UGT3A1: variants seen among roughly 807,000 people sequenced by gnomAD.
UGT3A1 encodes the protein UDP-glycosyltransferase 3A1.
UGT3A1 carries 40 observed loss-of-function variants against 37.6 expected under a neutral mutation model. The observed-to-expected ratio is 1.06, with a 90% CI of 0.83 to 1.38. The LOEUF is 1.38. UGT3A1 is among the 40% of genes most tolerant of loss of function. UGT3A1 has a pLI of 0.00. For synonymous variants in UGT3A1, 256 were observed against 232.3 expected, an observed-to-expected ratio of 1.10 and a Z score of -0.93; for missense variants, 642 against 634.2, an observed-to-expected ratio of 1.01 and a Z score of -0.13.
chr5:35,955,949 C>G, intron 5 of UGT3A1, 85 bp from the exon 6 acceptor site: 1 of 1,327,884 alleles, frequency 7.5e-7, no homozygotes, highest in Non-Finnish European at 1.1e-6. Context: ...AGATGAAACA[C>G]CAATGAAATC....
chr5:35,983,166 TAA>T (rs1244873179), intron 2 of UGT3A1, among the ~76,000 whole-genome samples: 2 of 137,720 alleles, frequency 1.5e-5, no homozygotes, highest in African/African-American at 5.7e-5. Context: ...GACTAAAAAA[TAA>T]AAAGAGAAGA....
At chr5:35,960,563 T>C (rs1241507865) in intron 4 of UGT3A1, among the ~76,000 whole-genome samples, 3 of 152,206 alleles carry the variant, frequency 2.0e-5, no homozygotes, top group African/African-American at 7.2e-5. Flanking sequence ...GCTTTGGGGC[T>C]CTGGCCCCAC....
rs887240449 is a variant in UGT3A1, at chr5:35,954,110, G to A, written c.*92C>T. 9.4e-6 allele frequency: 13 copies of A among 1,386,484 alleles called. No individual in the cohort carries two copies. The highest frequency in any genetic ancestry group is 1.2e-5 in the Non-Finnish European group (12 of 1,011,144). 85.9% of individuals were successfully genotyped at this position (1,386,484 alleles called of 1,614,324 possible). A position where few individuals can be genotyped will look rare whatever the true frequency, so the allele number is the denominator to read the frequency against. The stretch of plus-strand genomic sequence containing the variant: ...TGCAGGATCAGTGGCAGGTGGAGCT[G>A]AAGAGAGAACAGAGGGGTGGCGTGT... On this transcript the variant is annotated 3_prime_UTR_variant, in exon 7 of 7. Transcript: ENST00000274278.
At chr5:35,962,467 G>A in intron 4 of UGT3A1, 1 of 160,416 alleles carries the variant, frequency 6.2e-6, no homozygotes, top group Admixed American at 6.1e-5. Context: ...GGTGGACCCA[G>A]AGGAGCAGAG....
intron 2 of UGT3A1, among the ~76,000 whole-genome samples, chr5:35,983,172 G>C (rs1005918647): frequency 7.2e-6 from 1 of 139,016 alleles, no homozygotes. Context: ...AAAATAAAAA[G>C]AGAAGATCCA....
intron 4 of UGT3A1, chr5:35,962,793 C>T: frequency 1.5e-6 from 1 of 672,490 alleles, no homozygotes; most frequent in Admixed American, 2.3e-5. Flanking sequence ...GGTGTTTTTC[C>T]TCCAGATTCT....
upstream of UGT3A1, among the ~76,000 whole-genome samples, chr5:35,996,259 G>A (rs983240827): frequency 9.2e-5 from 14 of 152,088 alleles, no homozygotes; most frequent in East Asian, 1.9e-4. Context: ...GGGATGCTCC[G>A]AGAAAGTGCA....
chr5:35,969,725 C>T lies in UGT3A1; in HGVS notation c.197-1592G>A, dbSNP rs547989969. On this transcript the variant is annotated intron_variant, in intron 2 of 6. Transcript: ENST00000274278. ...TAACATCAGATCAAATACACCCCTG[C>T]GAACCGTAATAACCTTAATCAACAA... Among the ~76,000 whole-genome samples, 17 of 152,180 alleles carry T rather than the reference C, an allele frequency of 1.1e-4. No individual in the cohort carries two copies. In the East Asian group the frequency reaches 1.9e-3, roughly 17 times the overall value.
In UGT3A1 at chr5:35,953,504, G is replaced by GT. The variant is rs1739240180; in HGVS notation, c.*697dup. On this transcript the variant is annotated 3_prime_UTR_variant, in exon 7 of 7. Coordinates refer to ENST00000274278, the MANE Select transcript of UGT3A1 (RefSeq NM_152404.4). ...GTCTTTAAAACTACCTTAGCCACTG[G>GT]TACCTGAAGCCACAAAGCCTTACAC... 6.6e-6 allele frequency: 1 copy of GT among 152,350 alleles called. No individual in the cohort carries two copies. Among genetic ancestry groups the GT allele is most frequent in the African/African-American group, 2.4e-5 (1 of 41,424 alleles). 9.4% of individuals were successfully genotyped at this position (152,350 alleles called of 1,614,324 possible).
intron 1 of UGT3A1, among the ~76,000 whole-genome samples, chr5:35,999,586 G>T (rs1001225400): frequency 6.6e-6 from 1 of 152,182 alleles, no homozygotes; most frequent in Non-Finnish European, 1.5e-5. Flanking sequence ...GGCATATCAG[G>T]TGCCCTTATG....
rs1739782841 is a variant in UGT3A1 at position 35,965,774 on chromosome 5, A to G, written c.455T>C (p.Phe152Ser). 1.2e-6 allele frequency: 2 copies of G among 1,614,210 alleles called. No homozygotes were observed. The highest frequency in any genetic ancestry group is 1.3e-5 in the African/African-American group (1 of 75,054). ...TTTCACAAGCTTCTCAGCAATCAGG[A>G]AAGAACAGAAATCAAATGCTTCAAC... ...VFVEAFDFCSFLIAEKLVKPF... is the reference protein window; with the variant it reads ...VFVEAFDFCSSLIAEKLVKPF... Residue 152 changes from phenylalanine to serine, a missense_variant, in exon 4 of 7, where the codon TTC (phenylalanine) becomes TCC (serine). By Grantham distance (155) the Phe-to-Ser change is radical. Transcript: ENST00000274278.
At chr5:35,954,959 T>G (rs1194002661) in intron 6 of UGT3A1, 7 of 162,074 alleles carry the variant, frequency 4.3e-5, no homozygotes, top group Admixed American at 3.5e-4. Flanking sequence ...TCATGGAAAC[T>G]TATTTTGTGG....
chr5:35,988,505 T>C lies in UGT3A1; in HGVS notation c.141A>G (p.Gln47=), dbSNP rs1321692330. ...LLLDRVSQIL[Q]EHGHNVTMLH... ...GCATAGTCACATTATGACCATGCTC[T>C]TGAAGAATCTGAGACACCCGGTCCA... The change falls in exon 2 of 7, where the codon CAA becomes CAG. Residue 47 remains glutamine (Q), a synonymous_variant. Transcript: ENST00000274278. 1 of 1,613,556 alleles carries C rather than the reference T, an allele frequency of 6.2e-7. No individual in the cohort carries two copies. The highest frequency in any genetic ancestry group is 8.5e-7 in the Non-Finnish European group (1 of 1,179,808).
intron 1 of UGT3A1, among the ~76,000 whole-genome samples, chr5:35,997,749 C>T (rs372057020): frequency 4.4e-4 from 67 of 152,228 alleles, no homozygotes; most frequent in African/African-American, 1.5e-3. Flanking sequence ...TTACCCAGGG[C>T]TCAACACTCA....
At chr5:35,971,382 C>T (rs1740030499) in intron 2 of UGT3A1, among the ~76,000 whole-genome samples, 1 of 151,866 alleles carries the variant, frequency 6.6e-6, no homozygotes, top group African/African-American at 2.4e-5. Flanking sequence ...CCATCATTAC[C>T]AACATTCCAT....
At chr5:35,994,657 A>G (rs1034841200), upstream of UGT3A1, among the ~76,000 whole-genome samples, 2 of 152,030 alleles carry the variant, frequency 1.3e-5, no homozygotes, top group African/African-American at 2.4e-5. Flanking sequence ...AGCCCCTGAC[A>G]CATATGCCAG....
At chr5:35,961,710 G>A (rs1157836164) in intron 4 of UGT3A1, 1 of 152,114 alleles carries the variant, frequency 6.6e-6, no homozygotes, top group Non-Finnish European at 1.5e-5. Flanking sequence ...AGGCAAAGAT[G>A]GCCACTTTCA....
chr5:35,965,871 G>T lies in UGT3A1; in HGVS notation c.358C>A (p.Gln120Lys), dbSNP rs772526051. 1 of 1,597,394 alleles carries T rather than the reference G, an allele frequency of 6.3e-7. No individual in the cohort carries two copies. Among genetic ancestry groups the T allele is most frequent in the Non-Finnish European group, 8.5e-7 (1 of 1,173,630 alleles). Reference sequence around the variant, plus strand: ...TTTCTGCTTAGCAAATAACTACATTGAGTCCCAAATATTTCCATTAGCTTT... The same window carrying T: ...TTTCTGCTTAGCAAATAACTACATTTAGTCCCAAATATTTCCATTAGCTTT... ...LVKLMEIFGTQCSYLLSRKDI... is the reference protein window; with the variant it reads ...LVKLMEIFGTKCSYLLSRKDI... Residue 120 changes from glutamine to lysine, a missense_variant, in exon 4 of 7, where the codon CAA becomes AAA. Physicochemically the swap from Gln to Lys is moderately conservative, Grantham distance 53. Coordinates refer to ENST00000274278, the MANE Select transcript of UGT3A1 (RefSeq NM_152404.4).
At chr5:35,963,291 G>A (rs757595856) in intron 4 of UGT3A1, among the ~76,000 whole-genome samples, 2 of 152,202 alleles carry the variant, frequency 1.3e-5, no homozygotes, top group Non-Finnish European at 2.9e-5. Flanking sequence ...TTTACATTGT[G>A]CCTGTTGCCT....
Sources: allele counts gnomAD v4.1 joint callset (sites outside exome capture counted in the v4.1 genomes callset), GRCh38; gene constraint gnomAD v4.1.1; transcripts MANE v1.5; gene names NCBI Gene and HGNC (gene_info 2026-07-23, HGNC 2026-07-21).